SHC3: variants seen among roughly 807,000 people sequenced by gnomAD.
SHC3 encodes the protein SHC-transforming protein 3.
SHC3 carries 15 observed loss-of-function variants against 60.4 expected under a neutral mutation model. That is an observed-to-expected ratio of 0.25 (90% CI 0.17 to 0.38). The LOEUF (loss-of-function observed/expected upper bound fraction) is 0.38. SHC3 is among the 10% of genes least tolerant of loss of function. SHC3 has a pLI of 1.00. For missense variants in SHC3, 677 were observed against 786.1 expected (o/e 0.86, Z 1.66); for synonymous variants, 294 against 325.9 (o/e 0.90, Z 1.05).
intron 11 of SHC3, among the ~76,000 whole-genome samples, chr9:89,032,650 G>A (rs957024786): frequency 3.9e-5 from 6 of 152,072 alleles, no homozygotes; most frequent in African/African-American, 1.2e-4. Flanking sequence ...GACACCTTAC[G>A]AACAGGGCTC....
In SHC3 at chr9:89,129,647, C is replaced by T. The variant is rs142180916; in HGVS notation, c.475-17021G>A. Among the ~76,000 whole-genome samples the T allele has an allele frequency of 5.4e-3, 827 of 152,256 alleles. 7 individuals are homozygous for T. The highest frequency in any genetic ancestry group is 0.019 in the African/African-American group (779 of 41,544). ...GATTTTCAACCCCGAATTTCATATC[C>T]AGCCAAACTAAGCTTCATAAGTGAA... On this transcript the variant is annotated intron_variant, in intron 1 of 11. Coordinates refer to ENST00000375835, the MANE Select transcript of SHC3 (RefSeq NM_016848.6).
At chr9:89,079,092 T>G (rs1034655922) in intron 2 of SHC3, among the ~76,000 whole-genome samples, 1 of 152,306 alleles carries the variant, frequency 6.6e-6, no homozygotes, top group South Asian at 2.1e-4. Flanking sequence ...TCCTAAAAGC[T>G]CAGATGCCAG....
chr9:89,159,395 G>A (rs139626242), intron 1 of SHC3, among the ~76,000 whole-genome samples: 100 of 152,278 alleles, frequency 6.6e-4, no homozygotes, highest in African/African-American at 2.0e-3. Flanking sequence ...TGTTGAGGAA[G>A]TGAGAAATGT....
chr9:89,058,803 G>T (rs1485552577), intron 6 of SHC3, among the ~76,000 whole-genome samples: 5 of 150,320 alleles, frequency 3.3e-5, no homozygotes. Context: ...TGGTGGTGGA[G>T]GACATTGTAG....
intron 2 of SHC3, chr9:89,109,254 A>G (rs1825910205): frequency 1.3e-6 from 1 of 782,220 alleles, no homozygotes; most frequent in Non-Finnish European, 1.6e-6. Context: ...GTCTGAAGAG[A>G]GAGGTAGAGG....
At chr9:89,050,561 C>T (rs550733637) in intron 7 of SHC3, among the ~76,000 whole-genome samples, 6 of 152,348 alleles carry the variant, frequency 3.9e-5, no homozygotes, top group African/African-American at 1.4e-4. Context: ...ACTGAGATTA[C>T]AGGTGTGAGC....
chr9:89,051,469 G>C (rs536630564), intron 7 of SHC3, among the ~76,000 whole-genome samples: 2 of 152,042 alleles, frequency 1.3e-5, no homozygotes, highest in Non-Finnish European at 1.5e-5. Context: ...AAAACCTAAG[G>C]TGCCATTCTT....
chr9:89,036,119 T>C (rs2117865399), intron 11 of SHC3, among the ~76,000 whole-genome samples: 1 of 151,986 alleles, frequency 6.6e-6, no homozygotes, highest in East Asian at 1.9e-4. Flanking sequence ...ATGAAGAGTA[T>C]CACAGACAAA....
rs76015314 is a variant in SHC3 at position 89,078,629 on chromosome 9, G to A, written c.546-726C>T. On this transcript the variant is annotated intron_variant, in intron 2 of 11. Transcript: ENST00000375835. The stretch of plus-strand genomic sequence containing the variant: ...TGCATGGGGCAGGAGGACCCCAGAG[G>A]GTGAGGAAGCAAGACAGGATGGTCA... Among the ~76,000 whole-genome samples, 801 of 152,280 alleles carry A rather than the reference G, an allele frequency of 5.3e-3. 6 individuals are homozygous for A. The highest frequency in any genetic ancestry group is 0.018 in the African/African-American group (753 of 41,552).
At chr9:89,144,514 C>T (rs1178902990) in intron 1 of SHC3, among the ~76,000 whole-genome samples, 1 of 152,156 alleles carries the variant, frequency 6.6e-6, no homozygotes, top group Non-Finnish European at 1.5e-5. Flanking sequence ...TTCTGAGCTT[C>T]AGGTTTCACT....
At chr9:89,154,510 G>A (rs113438897) in intron 1 of SHC3, among the ~76,000 whole-genome samples, 2 of 152,296 alleles carry the variant, frequency 1.3e-5, no homozygotes, top group African/African-American at 4.8e-5. Context: ...CCCACTTTCA[G>A]TTTTCCAACC....
chr9:89,087,128 G>A (rs888474686), intron 2 of SHC3, among the ~76,000 whole-genome samples: 9 of 152,140 alleles, frequency 5.9e-5, no homozygotes, highest in Non-Finnish European at 1.2e-4. Context: ...AAACCCTCAG[G>A]AAGTCCACAG....
chr9:89,061,970 G>T (rs1825097505), intron 6 of SHC3, among the ~76,000 whole-genome samples: 1 of 152,176 alleles, frequency 6.6e-6, no homozygotes. Context: ...CCACAGATAA[G>T]GGGGAACTAC....
At chr9:89,092,441 C>G (rs558766233) in intron 2 of SHC3, among the ~76,000 whole-genome samples, 1 of 151,856 alleles carries the variant, frequency 6.6e-6, no homozygotes, top group Non-Finnish European at 1.5e-5. Flanking sequence ...CACGGTGAAA[C>G]CCCATCTCTA....
intron 11 of SHC3, among the ~76,000 whole-genome samples, chr9:89,018,151 A>G (rs1826127915): frequency 6.6e-6 from 1 of 152,226 alleles, no homozygotes; most frequent in African/African-American, 2.4e-5. Context: ...GTATATACCC[A>G]AAGGATTTTA....
At chr9:89,135,006 G>T (rs1280877141) in intron 1 of SHC3, among the ~76,000 whole-genome samples, 1 of 152,096 alleles carries the variant, frequency 6.6e-6, no homozygotes, top group East Asian at 1.9e-4. Context: ...AAAATTCAGA[G>T]CATATTTGTT....
intron 2 of SHC3, among the ~76,000 whole-genome samples, chr9:89,099,757 A>T (rs1313680911): frequency 6.6e-6 from 1 of 152,216 alleles, no homozygotes; most frequent in Non-Finnish European, 1.5e-5. Flanking sequence ...ATGCATCCAG[A>T]TTTCAGAGAT....
intron 11 of SHC3, among the ~76,000 whole-genome samples, chr9:89,029,936 T>A (rs1247130697): frequency 6.6e-6 from 1 of 152,010 alleles, no homozygotes; most frequent in Non-Finnish European, 1.5e-5. Flanking sequence ...TAAATAACAT[T>A]AAATATGAAT....
intron 1 of SHC3, among the ~76,000 whole-genome samples, chr9:89,133,299 T>C (rs1168902181): frequency 6.6e-6 from 1 of 152,196 alleles, no homozygotes; most frequent in Non-Finnish European, 1.5e-5. Flanking sequence ...AGGAACACTT[T>C]TACAGTGTTG....
Sources: gnomAD v4.1 joint callset for allele counts (sites outside exome capture counted in the v4.1 genomes callset) on GRCh38, gnomAD v4.1.1 for gene constraint, MANE v1.5 for transcripts, NCBI Gene and HGNC (gene_info 2026-07-23, HGNC 2026-07-21) for gene names.